The following TMEM132D variants were observed in gnomAD, a reference collection of about 807,000 sequenced individuals.
TMEM132D encodes mature OL transmembrane protein.
In TMEM132D, 21 loss-of-function variants were observed where a neutral mutation model predicts 62.3. The ratio of observed to expected loss-of-function variants is 0.34; its 90% CI spans 0.24 to 0.49. TMEM132D has a LOEUF of 0.49. TMEM132D is among the 20% of genes least tolerant of loss of function. The pLI, the probability that TMEM132D is intolerant of heterozygous loss-of-function variation, is 0.99. For missense variants in TMEM132D, 1,346 were observed against 1,402.8 expected (o/e 0.96, Z 0.65); for synonymous variants, 621 against 575.6 (o/e 1.08, Z -1.13).
chr12:129,501,749 G>T (rs756460209), intron 3 of TMEM132D, among the ~76,000 whole-genome samples: 2 of 151,908 alleles, frequency 1.3e-5, no homozygotes, highest in African/African-American at 4.8e-5. Flanking sequence ...TACCCAATCC[G>T]CTCACCTCGG....
chr12:129,254,978 G>T (rs1287174930), intron 4 of TMEM132D, among the ~76,000 whole-genome samples: 1 of 152,086 alleles, frequency 6.6e-6, no homozygotes, highest in Non-Finnish European at 1.5e-5. Context: ...GGATCGTGGG[G>T]GTGGATCCTT....
At chr12:129,714,283 C>A (rs1347876263) in intron 1 of TMEM132D, among the ~76,000 whole-genome samples, 1 of 152,196 alleles carries the variant, frequency 6.6e-6, no homozygotes, top group Non-Finnish European at 1.5e-5. Context: ...CTGCCATATG[C>A]CCTGGTTAGT....
chr12:129,761,895 G>A (rs1012622053), intron 1 of TMEM132D, among the ~76,000 whole-genome samples: 12 of 152,136 alleles, frequency 7.9e-5, no homozygotes, highest in Non-Finnish European at 1.5e-4. Flanking sequence ...CAACTGGCAC[G>A]CAAGTAAGCA....
chr12:129,647,247 T>TG (rs1312523504), intron 2 of TMEM132D, among the ~76,000 whole-genome samples: 1 of 150,610 alleles, frequency 6.6e-6, no homozygotes, highest in Non-Finnish European at 1.5e-5. Flanking sequence ...TTTTCTGTTT[T>TG]TTTTTTTTTT....
In TMEM132D at chr12:129,140,419, C is replaced by T. The variant is rs759351672; in HGVS notation, c.1444-55717G>A. 2.6e-5 allele frequency among the ~76,000 whole-genome samples: 4 copies of T among 152,216 alleles called. No individual in the cohort carries two copies. In the East Asian group the frequency reaches 5.8e-4, roughly 22 times the overall value. On this transcript the variant is annotated intron_variant, in intron 5 of 8. Transcript: ENST00000422113. ...GCACTTCTGAGCTTGGTCCCCTCCCCAATCCCTGACCACAGGCAACTACTC... is the reference window on the plus strand; with the variant it reads ...GCACTTCTGAGCTTGGTCCCCTCCCTAATCCCTGACCACAGGCAACTACTC...
At chr12:129,790,621 G>C (rs1871376453) in intron 1 of TMEM132D, among the ~76,000 whole-genome samples, 1 of 152,126 alleles carries the variant, frequency 6.6e-6, no homozygotes, top group Admixed American at 6.5e-5. Context: ...TACGGCACAG[G>C]ATGGGGGGGC....
intron 3 of TMEM132D, among the ~76,000 whole-genome samples, chr12:129,434,796 C>T (rs1280703214): frequency 6.6e-6 from 1 of 152,080 alleles, no homozygotes; most frequent in Admixed American, 6.5e-5. Flanking sequence ...TCACCCCAAA[C>T]ATTTGTCATT....
chr12:129,396,402 G>A (rs968654566), intron 3 of TMEM132D, among the ~76,000 whole-genome samples: 5 of 152,168 alleles, frequency 3.3e-5, no homozygotes, highest in South Asian at 2.1e-4. Context: ...GGGTGGACCC[G>A]TGACCAAGTT....
At chr12:129,476,466 GCCCCAC>G (rs1874258918) in intron 3 of TMEM132D, among the ~76,000 whole-genome samples, 1 of 152,128 alleles carries the variant, frequency 6.6e-6, no homozygotes, top group Non-Finnish European at 1.5e-5. Context: ...CATTGTTGGT[GCCCCAC>G]ACCTTCCTGA....
chr12:129,878,594 T>A (rs1593196575), intron 1 of TMEM132D, among the ~76,000 whole-genome samples: 1 of 150,942 alleles, frequency 6.6e-6, no homozygotes, highest in Admixed American at 6.6e-5. Flanking sequence ...TTTTTTTTTT[T>A]AAAGACACAG....
intron 5 of TMEM132D, among the ~76,000 whole-genome samples, chr12:129,151,145 G>A (rs1285746225): frequency 2.6e-5 from 4 of 152,044 alleles, no homozygotes; most frequent in African/African-American, 9.7e-5. Context: ...GAAGACTATC[G>A]AAGCCTTTGT....
At chr12:129,176,192 T>C (rs187191281) in intron 5 of TMEM132D, among the ~76,000 whole-genome samples, 3 of 152,352 alleles carry the variant, frequency 2.0e-5, no homozygotes, top group East Asian at 3.9e-4. Context: ...AGAGCAGATT[T>C]CAACTCCATT....
chr12:129,776,447 T>C (rs1870925306), intron 1 of TMEM132D, among the ~76,000 whole-genome samples: 1 of 85,348 alleles, frequency 1.2e-5, no homozygotes, highest in Non-Finnish European at 3.4e-5. Context: ...CAAATATTCA[T>C]TGTCACCCAC....
chr12:129,660,208 G>A (rs767679876), intron 2 of TMEM132D, among the ~76,000 whole-genome samples: 1 of 152,040 alleles, frequency 6.6e-6, no homozygotes, highest in Non-Finnish European at 1.5e-5. Flanking sequence ...TGATCATATG[G>A]GTACATGGGA....
chr12:129,883,828 CTGGATACTCAAATGCAAT>C (rs374962596), intron 1 of TMEM132D, among the ~76,000 whole-genome samples: 6 of 152,154 alleles, frequency 3.9e-5, no homozygotes, highest in African/African-American at 1.4e-4. Flanking sequence ...GCCAGAGCAA[CTGGATACTCAAATGCAAT>C]AAAAGTGAAT....
At position 129,888,699 on chromosome 12, in the gene TMEM132D, G is replaced by A. The variant is rs61940263; in HGVS notation, c.79+14562C>T. Among the ~76,000 whole-genome samples, 1,155 of 152,248 alleles carry A rather than the reference G, an allele frequency of 7.6e-3. 6 individuals carry two copies. Among genetic ancestry groups the A allele is most frequent in the Middle Eastern group, 0.031 (9 of 294 alleles). On this transcript the variant is annotated intron_variant, in intron 1 of 8. Coordinates refer to ENST00000422113, the MANE Select transcript of TMEM132D (RefSeq NM_133448.3). ...AGCTTGGAGAGCAGAGCAAGACTCCGTTTAAAAACAAAATTCTAACAGCCC... is the reference window on the plus strand; with the variant it reads ...AGCTTGGAGAGCAGAGCAAGACTCCATTTAAAAACAAAATTCTAACAGCCC...
At chr12:129,515,531 G>C (rs1057425434) in intron 3 of TMEM132D, among the ~76,000 whole-genome samples, 3 of 152,104 alleles carry the variant, frequency 2.0e-5, no homozygotes, top group Non-Finnish European at 4.4e-5. Flanking sequence ...GAACTTTGGC[G>C]ATTGGGAATA....
At chr12:129,457,526 G>A (rs1240148486) in intron 3 of TMEM132D, among the ~76,000 whole-genome samples, 1 of 151,206 alleles carries the variant, frequency 6.6e-6, no homozygotes, top group Admixed American at 6.6e-5. Context: ...CACCAACATG[G>A]CACATGTATA....
At chr12:129,316,461 T>C (rs1331548524) in intron 4 of TMEM132D, among the ~76,000 whole-genome samples, 1 of 152,124 alleles carries the variant, frequency 6.6e-6, no homozygotes, top group Non-Finnish European at 1.5e-5. Flanking sequence ...GTTTAGTAGG[T>C]TTCTTTTGGA....
Sources: gnomAD v4.1 joint callset for allele counts (sites outside exome capture counted in the v4.1 genomes callset) on GRCh38, gnomAD v4.1.1 for gene constraint, MANE v1.5 for transcripts, NCBI Gene and HGNC (gene_info 2026-07-23, HGNC 2026-07-21) for gene names.